Variants in EPHX2 observed in about 807,000 individuals in gnomAD.
EPHX2 encodes the protein bifunctional epoxide hydrolase 2.
EPHX2 carries 74 observed loss-of-function variants against 78.7 expected under a neutral mutation model. The ratio of observed to expected loss-of-function variants is 0.94; its 90% CI spans 0.78 to 1.14. The LOEUF (loss-of-function observed/expected upper bound fraction) is 1.14, where lower values mean the gene tolerates loss of function less well. Among genes scored for constraint, EPHX2 ranks in the 50% most tolerant of loss-of-function variants. The pLI, the probability that EPHX2 is intolerant of heterozygous loss-of-function variation, is 0.00. For missense variants in EPHX2, 715 were observed against 702.5 expected (o/e 1.02, Z -0.20); for synonymous variants, 251 against 255.2 (o/e 0.98, Z 0.16).
At chr8:27,499,425 G>A (rs1354742306) in intron 1 of EPHX2, among the ~76,000 whole-genome samples, 2 of 152,186 alleles carry the variant, frequency 1.3e-5, no homozygotes, top group Non-Finnish European at 1.5e-5. Flanking sequence ...TTAGGTATAT[G>A]TCTCCATATA....
chr8:27,529,672 A>G (rs1014333281), intron 12 of EPHX2, among the ~76,000 whole-genome samples: 4 of 152,032 alleles, frequency 2.6e-5, no homozygotes, highest in Non-Finnish European at 5.9e-5. Flanking sequence ...CACATCTATA[A>G]TCTCAGCAGA....
intron 6 of EPHX2, 116 bp downstream of exon 6, chr8:27,512,026 A>G: frequency 9.7e-7 from 1 of 1,027,410 alleles, no homozygotes. Context: ...TGAGCCTGGG[A>G]AGTGGAGGTT....
intron 5 of EPHX2, among the ~76,000 whole-genome samples, chr8:27,508,010 G>A (rs1814081287): frequency 6.6e-6 from 1 of 152,114 alleles, no homozygotes; most frequent in Non-Finnish European, 1.5e-5. Context: ...CTAAAGTATT[G>A]GGGGCTAAGG....
At chr8:27,511,319 C>T (rs72475818) in intron 5 of EPHX2, among the ~76,000 whole-genome samples, 2 of 152,174 alleles carry the variant, frequency 1.3e-5, no homozygotes, top group South Asian at 2.1e-4. Flanking sequence ...GGGCGACCAT[C>T]GGAGGAGCTG....
chr8:27,541,181 A>G (rs1265826930), intron 15 of EPHX2, among the ~76,000 whole-genome samples: 1 of 152,128 alleles, frequency 6.6e-6, no homozygotes, highest in East Asian at 1.9e-4. Flanking sequence ...AGGTGACACG[A>G]TGACATTCCC....
chr8:27,536,264 A>C (rs1815207206), intron 12 of EPHX2, among the ~76,000 whole-genome samples: 2 of 152,220 alleles, frequency 1.3e-5, no homozygotes, highest in South Asian at 4.1e-4. Context: ...TACAGCAAAA[A>C]AAAAATTGTT....
chr8:27,493,106 A>ATGGCCTTGATCCTGGAAGC (rs1346125349), intron 1 of EPHX2: 3 of 172,348 alleles, frequency 1.7e-5, no homozygotes, highest in African/African-American at 7.2e-5. Flanking sequence ...CTGTAGCTTG[A>ATGGCCTTGATCCTGGAAGC]TGGCCTTGAT....
chr8:27,514,910 C>T (rs1331245589), intron 6 of EPHX2, among the ~76,000 whole-genome samples: 2 of 152,038 alleles, frequency 1.3e-5, no homozygotes, highest in Non-Finnish European at 2.9e-5. Context: ...ACCCGTAGCC[C>T]CCAAAAAGAC....
chr8:27,515,896 G>A, intron 7 of EPHX2, 83 bp downstream of exon 7: 1 of 1,230,878 alleles, frequency 8.1e-7, no homozygotes, highest in Non-Finnish European at 1.2e-6. Context: ...ACTGTCGTGA[G>A]GAAGCTGAAA....
rs1442657751 is a variant in EPHX2 at position 27,511,904 on chromosome 8, A to G, written c.729A>G (p.Thr243=). 1.9e-6 allele frequency: 3 copies of G among 1,613,988 alleles called. No individual in the cohort carries two copies. Among genetic ancestry groups the G allele is most frequent in the Admixed American group, 1.7e-5 (1 of 59,994 alleles). ...GTGACATGAGCCATGGGTACGTGAC[A>G]GTAAAGGTGAGTCAGTTTTGTCTCT... ...NPSDMSHGYV[T]VKPRVRLHFV... The change falls in exon 6 of 19, where the codon ACA becomes ACG. Residue 243 remains threonine (T), a synonymous_variant. Coordinates refer to ENST00000521400, the MANE Select transcript of EPHX2 (RefSeq NM_001979.6).
At chr8:27,496,411 T>A (rs1423361905) in intron 1 of EPHX2, among the ~76,000 whole-genome samples, 2 of 152,138 alleles carry the variant, frequency 1.3e-5, no homozygotes, top group Non-Finnish European at 2.9e-5. Flanking sequence ...GGACGTGTGG[T>A]CTGTGGGATC....
chr8:27,513,498 A>ACC (rs1276336583), intron 6 of EPHX2, among the ~76,000 whole-genome samples: 2 of 152,040 alleles, frequency 1.3e-5, no homozygotes, highest in African/African-American at 2.4e-5. Flanking sequence ...GAATCACTTT[A>ACC]CCCCACCTTG....
chr8:27,519,552 A>G (rs72475866), intron 9 of EPHX2, among the ~76,000 whole-genome samples: 9 of 152,340 alleles, frequency 5.9e-5, no homozygotes, highest in African/African-American at 2.2e-4. Context: ...ATGTATTGGC[A>G]TACACTGAAT....
intron 12 of EPHX2, 58 bp from the exon 13 acceptor site, chr8:27,536,726 G>A: frequency 6.3e-7 from 1 of 1,585,010 alleles, no homozygotes; most frequent in Non-Finnish European, 8.7e-7. Context: ...GATGAAGGAG[G>A]GGTACAGTTT....
At chr8:27,512,009 C>A in intron 6 of EPHX2, 99 bp downstream of exon 6, 1 of 1,208,446 alleles carries the variant, frequency 8.3e-7, no homozygotes, top group Non-Finnish European at 1.2e-6. Context: ...TGAGGATCAC[C>A]TGAACCTGAG....
intron 3 of EPHX2, 60 bp from the exon 4 acceptor site, chr8:27,504,896 C>G: frequency 6.3e-7 from 1 of 1,578,360 alleles, no homozygotes; most frequent in Non-Finnish European, 8.7e-7. Flanking sequence ...TTGGGGGTAT[C>G]TGGAGCATTT....
intron 5 of EPHX2, among the ~76,000 whole-genome samples, chr8:27,511,019 C>G (rs891054961): frequency 2.6e-5 from 4 of 152,114 alleles, no homozygotes; most frequent in African/African-American, 4.8e-5. Context: ...AAGGGAAAGA[C>G]CATGTGAAGA....
chr8:27,501,240 A>T (rs1208037133), intron 2 of EPHX2, among the ~76,000 whole-genome samples: 3 of 152,240 alleles, frequency 2.0e-5, no homozygotes, highest in African/African-American at 7.2e-5. Context: ...GAAGAACATT[A>T]TTGAATTATT....
chr8:27,491,152 TTCGCGCATC>T lies in EPHX2; in HGVS notation c.-54_-46del. 1 of 1,503,588 alleles carries T rather than the reference TTCGCGCATC, an allele frequency of 6.7e-7. No individual in the cohort carries two copies. Among genetic ancestry groups the T allele is most frequent in the Non-Finnish European group, 8.9e-7 (1 of 1,124,728 alleles). 93.1% of individuals were successfully genotyped at this position (1,503,588 alleles called of 1,614,324 possible). On this transcript the variant is annotated 5_prime_UTR_variant, in exon 1 of 19. Transcript: ENST00000521400. ...GCTGGGCGGGTCATGCGCCCTGGCC[TTCGCGCATC>T]TCCCAGGTTAGCTGCGTGTCCGGGT...
Sources: allele counts gnomAD v4.1 joint callset (sites outside exome capture counted in the v4.1 genomes callset), GRCh38; gene constraint gnomAD v4.1.1; transcripts MANE v1.5; gene names NCBI Gene and HGNC (gene_info 2026-07-23, HGNC 2026-07-21).